The following ST8SIA6 variants were observed in gnomAD, a reference collection of about 807,000 sequenced individuals.
The protein encoded by ST8SIA6 is alpha-2,8-sialyltransferase 8F.
In ST8SIA6, 39 loss-of-function variants were observed where a neutral mutation model predicts 33.6. That is an observed-to-expected ratio of 1.16 (90% CI 0.90 to 1.52). The LOEUF is 1.52. ST8SIA6 is among the 40% of genes most tolerant of loss of function. The pLI, the probability that ST8SIA6 is intolerant of heterozygous loss-of-function variation, is 0.00. For synonymous variants in ST8SIA6, 172 were observed against 167.2 expected (o/e 1.03, Z -0.22); for missense variants, 441 against 443.8 (o/e 0.99, Z 0.06).
At chr10:17,402,133 C>G (rs1290889123) in intron 2 of ST8SIA6, among the ~76,000 whole-genome samples, 1 of 152,106 alleles carries the variant, frequency 6.6e-6, no homozygotes, top group African/African-American at 2.4e-5. Flanking sequence ...TGAACAGACA[C>G]TTCTCAAAAG....
chr10:17,357,342 T>G (rs1441680672), intron 4 of ST8SIA6, among the ~76,000 whole-genome samples: 2 of 151,754 alleles, frequency 1.3e-5, no homozygotes, highest in Non-Finnish European at 2.9e-5. Flanking sequence ...TCCACCATGT[T>G]GGTCAGGCTG....
intron 2 of ST8SIA6, among the ~76,000 whole-genome samples, chr10:17,437,007 A>T (rs1442743426): frequency 6.6e-6 from 1 of 152,176 alleles, no homozygotes; most frequent in Non-Finnish European, 1.5e-5. Flanking sequence ...CAGCAGCGTG[A>T]AAACTAACTA....
intron 2 of ST8SIA6, among the ~76,000 whole-genome samples, chr10:17,408,863 C>G (rs1004993440): frequency 6.6e-6 from 1 of 151,650 alleles, no homozygotes; most frequent in African/African-American, 2.4e-5. Flanking sequence ...TCAAGAGATT[C>G]TCCTGCCTCA....
At chr10:17,330,546 TA>T (rs972083745) in intron 5 of ST8SIA6, among the ~76,000 whole-genome samples, 15 of 152,092 alleles carry the variant, frequency 9.9e-5, no homozygotes, top group African/African-American at 3.1e-4. Context: ...AATCCTAATA[TA>T]AAAAAAATTG....
chr10:17,429,576 G>A (rs1056134603), intron 2 of ST8SIA6, among the ~76,000 whole-genome samples: 4 of 151,818 alleles, frequency 2.6e-5, no homozygotes, highest in Non-Finnish European at 5.9e-5. Context: ...CCCACCTCCC[G>A]GGCTCAGGTG....
At chr10:17,397,233 G>GTTTTTTT (rs34049805) in intron 2 of ST8SIA6, among the ~76,000 whole-genome samples, 9 of 124,230 alleles carry the variant, frequency 7.2e-5, no homozygotes, top group African/African-American at 2.4e-4. Flanking sequence ...ATTGTTTTTT[G>GTTTTTTT]TTTTTTTTTT....
intron 2 of ST8SIA6, among the ~76,000 whole-genome samples, chr10:17,433,969 G>A (rs79830632): frequency 0.043 from 6,509 of 152,112 alleles, 325 homozygotes; most frequent in African/African-American, 0.1. Context: ...TAGATGTGGT[G>A]CAAATGTCTT....
Position 17,318,772 on chromosome 10 carries a change from A to C in ST8SIA6, c.*2106T>G. 1 of 467,044 alleles carries C rather than the reference A, an allele frequency of 2.1e-6. No homozygotes were observed. Among genetic ancestry groups the C allele is most frequent in the South Asian group, 1.6e-5 (1 of 63,814 alleles). 28.9% of individuals were successfully genotyped at this position (467,044 alleles called of 1,614,324 possible). On this transcript the variant is annotated 3_prime_UTR_variant, in exon 8 of 8. Coordinates refer to ENST00000377602, the MANE Select transcript of ST8SIA6 (RefSeq NM_001004470.3). Reference sequence around the variant, plus strand: ...TTGCAATGATTCACCAATACAGAACAAAAAGAACTGTGACTTACGTTTTAC... The same window carrying C: ...TTGCAATGATTCACCAATACAGAACCAAAAGAACTGTGACTTACGTTTTAC...
At chr10:17,438,040 T>C (rs982104684) in intron 2 of ST8SIA6, among the ~76,000 whole-genome samples, 1 of 152,166 alleles carries the variant, frequency 6.6e-6, no homozygotes, top group Admixed American at 6.5e-5. Context: ...TGCCCCCCTG[T>C]TTCTGTAGGT....
intron 3 of ST8SIA6, among the ~76,000 whole-genome samples, chr10:17,372,598 C>T (rs561152574): frequency 3.3e-5 from 5 of 152,262 alleles, no homozygotes; most frequent in East Asian, 1.9e-4. Flanking sequence ...GGCAGAGAGT[C>T]GGCCCACAGA....
chr10:17,391,286 G>A (rs1850599083), intron 2 of ST8SIA6, among the ~76,000 whole-genome samples: 1 of 151,370 alleles, frequency 6.6e-6, no homozygotes, highest in African/African-American at 2.4e-5. Context: ...TTTTTTAGAT[G>A]GAGTGTTGCT....
At chr10:17,329,166 T>C (rs1057261598) in intron 5 of ST8SIA6, among the ~76,000 whole-genome samples, 5 of 152,220 alleles carry the variant, frequency 3.3e-5, no homozygotes, top group African/African-American at 1.2e-4. Flanking sequence ...CTTTGAAATG[T>C]AAAAGTCATA....
In ST8SIA6 at chr10:17,317,159, A is replaced by C. The variant is rs756765396; in HGVS notation, c.*3719T>G. 6.6e-6 allele frequency among the ~76,000 whole-genome samples: 1 copy of C among 152,166 alleles called. No homozygotes were observed. Among genetic ancestry groups the C allele is most frequent in the Admixed American group, 6.5e-5 (1 of 15,268 alleles). On this transcript the variant is annotated 3_prime_UTR_variant, in exon 8 of 8. Coordinates refer to ENST00000377602, the MANE Select transcript of ST8SIA6 (RefSeq NM_001004470.3). Reference sequence around the variant, plus strand: ...GCAATGTAGGCATTTATTTTTCTCCATAGAGTGAGCCAATGTTTCAATATT... The same window carrying C: ...GCAATGTAGGCATTTATTTTTCTCCCTAGAGTGAGCCAATGTTTCAATATT...
intron 2 of ST8SIA6, among the ~76,000 whole-genome samples, chr10:17,441,051 G>T (rs1209698277): frequency 6.6e-6 from 1 of 151,980 alleles, no homozygotes. Context: ...TCAGTGGATG[G>T]CTTATGTTTT....
intron 4 of ST8SIA6, among the ~76,000 whole-genome samples, chr10:17,349,196 C>G (rs1379350803): frequency 2.0e-5 from 3 of 152,156 alleles, no homozygotes; most frequent in Non-Finnish European, 2.9e-5. Context: ...ACGAACTGAA[C>G]AGGAAGAGTT....
intron 2 of ST8SIA6, among the ~76,000 whole-genome samples, chr10:17,405,687 G>C (rs1001078377): frequency 2.0e-5 from 3 of 151,346 alleles, no homozygotes; most frequent in African/African-American, 7.3e-5. Context: ...TTCAAGACCA[G>C]CCTGGCCAAC....
intron 3 of ST8SIA6, among the ~76,000 whole-genome samples, chr10:17,387,325 C>G (rs934779098): frequency 6.6e-6 from 1 of 151,398 alleles, no homozygotes; most frequent in African/African-American, 2.4e-5. Context: ...GATCTTGGCT[C>G]ACCACAACCT....
intron 3 of ST8SIA6, among the ~76,000 whole-genome samples, chr10:17,371,486 A>G (rs1416805008): frequency 6.6e-6 from 1 of 152,114 alleles, no homozygotes; most frequent in South Asian, 2.1e-4. Context: ...AGGAATCTAC[A>G]GTGAAGAATG....
At chr10:17,355,169 TTTCTC>T (rs781575522) in intron 4 of ST8SIA6, among the ~76,000 whole-genome samples, 38 of 152,326 alleles carry the variant, frequency 2.5e-4, no homozygotes, top group South Asian at 1.2e-3. Context: ...GAGAATTCAT[TTTCTC>T]TTAGCATTTA....
Sources: gnomAD v4.1 joint callset for allele counts (sites outside exome capture counted in the v4.1 genomes callset) on GRCh38, gnomAD v4.1.1 for gene constraint, MANE v1.5 for transcripts, NCBI Gene and HGNC (gene_info 2026-07-23, HGNC 2026-07-21) for gene names.